The following TMEM182 variants were observed in gnomAD, a reference collection of about 807,000 sequenced individuals.
The protein encoded by TMEM182 is transmembrane protein 182.
A neutral mutation model predicts 26.8 loss-of-function variants in TMEM182; 20 were observed. That is an observed-to-expected ratio of 0.75 (90% confidence interval 0.53 to 1.09). The LOEUF (loss-of-function observed/expected upper bound fraction) is 1.09. TMEM182 is among the 50% of genes least tolerant of loss of function. TMEM182 has a pLI of 0.00. For synonymous variants in TMEM182, 109 were observed against 102.2 expected, an observed-to-expected ratio of 1.07 and a Z score of -0.40; for missense variants, 277 against 275.5, an observed-to-expected ratio of 1.01 and a Z score of -0.04.
At position 102,817,543 on chromosome 2, in the gene TMEM182, T is replaced by A. The variant is rs768848678; in HGVS notation, c.*2575T>A. 7 of 985,316 alleles carry A rather than the reference T, an allele frequency of 7.1e-6. No individual in the cohort carries two copies. The highest frequency in any genetic ancestry group is 8.4e-6 in the Non-Finnish European group (7 of 829,916). 61.0% of individuals were successfully genotyped at this position (985,316 alleles called of 1,614,324 possible). A position where few individuals can be genotyped will look rare whatever the true frequency, so the allele number is the denominator to read the frequency against. ...TTAATGATCGTGTACAATTTGAGGG[T>A]TGATGGTAGGGCTTTCTAAAAAAAG... is the stretch of plus-strand genomic sequence containing the variant. On this transcript the variant is annotated 3_prime_UTR_variant, in exon 5 of 5. Transcript: ENST00000412401.
intron 3 of TMEM182, among the ~76,000 whole-genome samples, chr2:102,840,543 G>A (rs1157552997): frequency 6.6e-6 from 1 of 152,158 alleles, no homozygotes; most frequent in Non-Finnish European, 1.5e-5. Flanking sequence ...GGCATAGGGG[G>A]TGAGGTAGCG....
downstream of TMEM182, among the ~76,000 whole-genome samples, chr2:102,819,997 G>A (rs571615495): frequency 6.6e-5 from 10 of 152,304 alleles, no homozygotes; most frequent in South Asian, 4.1e-4. Flanking sequence ...ACTGGCAATC[G>A]ATAGCTGTCA....
intron 3 of TMEM182, among the ~76,000 whole-genome samples, chr2:102,786,395 A>G (rs1681398029): frequency 6.6e-6 from 1 of 151,888 alleles, no homozygotes; most frequent in Non-Finnish European, 1.5e-5. Context: ...TTGTGTTTTT[A>G]GAAGAGACGA....
chr2:102,838,023 G>A (rs1172349861), intron 3 of TMEM182, among the ~76,000 whole-genome samples: 1 of 152,196 alleles, frequency 6.6e-6, no homozygotes, highest in Admixed American at 6.5e-5. Context: ...GCCAGGCCCT[G>A]TGTGACTGCC....
Position 102,762,631 on chromosome 2 carries a change from T to C in TMEM182, c.177T>C (p.Cys59=). ...TFHHEGFFWR[C]WFNGIVEEND... ...ACCATGAAGGGTTCTTCTGGAGGTG[T>C]TGGTTTAATGGGATTGTGGAAGAGA... The change falls in exon 2 of 5, where the codon TGT becomes TGC. Residue 59 remains cysteine (C), a synonymous_variant. Coordinates refer to ENST00000412401, the MANE Select transcript of TMEM182 (RefSeq NM_144632.5). The C allele has an allele frequency of 6.2e-7, 1 of 1,613,986 alleles. No individual in the cohort carries two copies. Among genetic ancestry groups the C allele is most frequent in the Non-Finnish European group, 8.5e-7 (1 of 1,179,934 alleles).
At chr2:102,790,013 G>T (rs749238441) in intron 3 of TMEM182, among the ~76,000 whole-genome samples, 51 of 152,246 alleles carry the variant, frequency 3.3e-4, no homozygotes, top group Middle Eastern at 3.4e-3. Flanking sequence ...CTGAAATCAT[G>T]GTCTTTCCTG....
chr2:102,816,116 G>T lies in TMEM182; in HGVS notation c.*1148G>T. 2.0e-6 allele frequency: 2 copies of T among 985,354 alleles called. No homozygotes were observed. The highest frequency in any genetic ancestry group is 2.4e-6 in the Non-Finnish European group (2 of 829,926). 61.0% of individuals were successfully genotyped at this position (985,354 alleles called of 1,614,324 possible). On this transcript the variant is annotated 3_prime_UTR_variant, in exon 5 of 5. Coordinates refer to ENST00000412401, the MANE Select transcript of TMEM182 (RefSeq NM_144632.5). ...TGATTCTGTATTATTCAGTAGCATA[G>T]ACATTTTGCATATCAAAGATGTTCA...
chr2:102,828,370 G>A (rs1040359331), intron 3 of TMEM182, among the ~76,000 whole-genome samples: 1 of 152,144 alleles, frequency 6.6e-6, no homozygotes, highest in African/African-American at 2.4e-5. Flanking sequence ...GGGCTGATAT[G>A]TGTCATAATC....
chr2:102,764,616 A>C (rs1410278691), intron 3 of TMEM182, among the ~76,000 whole-genome samples, 189 bp downstream of exon 3: 1 of 152,184 alleles, frequency 6.6e-6, no homozygotes, highest in Non-Finnish European at 1.5e-5. Flanking sequence ...CATAACTTTG[A>C]TCTAAAAGTA....
intron 1 of TMEM182, among the ~76,000 whole-genome samples, chr2:102,747,568 G>C (rs1475169749): frequency 1.3e-5 from 2 of 151,976 alleles, no homozygotes; most frequent in Non-Finnish European, 2.9e-5. Flanking sequence ...AGTCAGGTAG[G>C]TATATAGTAG....
At chr2:102,820,088 C>G (rs1299700056), downstream of TMEM182, among the ~76,000 whole-genome samples, 1 of 152,124 alleles carries the variant, frequency 6.6e-6, no homozygotes, top group Admixed American at 6.5e-5. Context: ...TTGGTTTATT[C>G]TTTCAATCCC....
At chr2:102,778,649 A>G (rs904779786) in intron 3 of TMEM182, among the ~76,000 whole-genome samples, 1 of 151,908 alleles carries the variant, frequency 6.6e-6, no homozygotes, top group Non-Finnish European at 1.5e-5. Context: ...TCTTGAGTGT[A>G]TCTCTTTGTA....
intron 4 of TMEM182, among the ~76,000 whole-genome samples, chr2:102,810,296 A>T (rs1682506584): frequency 6.6e-6 from 1 of 152,170 alleles, no homozygotes; most frequent in African/African-American, 2.4e-5. Context: ...AAAGATCTTT[A>T]GAATATGCCT....
chr2:102,782,486 T>C (rs776779105), intron 3 of TMEM182, among the ~76,000 whole-genome samples: 11 of 152,148 alleles, frequency 7.2e-5, no homozygotes, highest in Non-Finnish European at 1.5e-4. Flanking sequence ...AAAACATATA[T>C]GGGGCTCATA....
chr2:102,822,693 C>T lies in TMEM182; in HGVS notation c.326-20719C>T, dbSNP rs778653274. Among the ~76,000 whole-genome samples, 5 of 151,962 alleles carry T rather than the reference C, an allele frequency of 3.3e-5. No individual in the cohort carries two copies. The East Asian group carries it at 5.8e-4, about 18-fold the overall frequency. On this transcript the variant is annotated intron_variant, in intron 3 of 3. Transcript: ENST00000486293. ...ATCAAAATAAAGCATTCTGAAGACC[C>T]GGGAAAACAAGGGCAAGTGTGTGTA... is the stretch of plus-strand genomic sequence containing the variant.
rs149752716 is a variant in TMEM182 at position 102,779,982 on chromosome 2, A to G, written c.331+15555A>G. On this transcript the variant is annotated intron_variant, in intron 3 of 4. Transcript: ENST00000412401. ...TGCGTCATTGCACTGCAGCCTGGGCAATAAGAGTGAAACTCTGTCTTGGGA... is the reference window on the plus strand; with the variant it reads ...TGCGTCATTGCACTGCAGCCTGGGCGATAAGAGTGAAACTCTGTCTTGGGA... Among the ~76,000 whole-genome samples the G allele has an allele frequency of 2.7e-3, 411 of 152,232 alleles. 1 individual carries two copies. Among genetic ancestry groups the G allele is most frequent in the African/African-American group, 9.4e-3 (392 of 41,526 alleles).
Position 102,831,711 on chromosome 2 carries a change from C to T in TMEM182, c.326-11701C>T, listed in dbSNP as rs543015278. 7.9e-5 allele frequency among the ~76,000 whole-genome samples: 12 copies of T among 151,880 alleles called. No homozygotes were observed. The East Asian group carries it at 1.9e-3, about 25-fold the overall frequency. On this transcript the variant is annotated intron_variant, in intron 3 of 3. Coordinates refer to the TMEM182 transcript ENST00000486293. ...GGTGGAGGTTGCAGTGAGCTGAAAT[C>T]GCACCACTGCACTCCAGCTTGGGCA...
downstream of TMEM182, among the ~76,000 whole-genome samples, chr2:102,822,126 T>C (rs1422145737): frequency 1.3e-5 from 2 of 152,170 alleles, no homozygotes; most frequent in Non-Finnish European, 2.9e-5. Flanking sequence ...AACTATTATA[T>C]GTCAATAAAT....
chr2:102,808,022 T>C (rs1197304798), intron 4 of TMEM182, among the ~76,000 whole-genome samples: 1 of 152,214 alleles, frequency 6.6e-6, no homozygotes, highest in Non-Finnish European at 1.5e-5. Flanking sequence ...CAAATCATCC[T>C]AATGGACCCC....
Sources: gnomAD v4.1 joint callset for allele counts (sites outside exome capture counted in the v4.1 genomes callset) on GRCh38, gnomAD v4.1.1 for gene constraint, MANE v1.5 for transcripts, NCBI Gene and HGNC (gene_info 2026-07-23, HGNC 2026-07-21) for gene names.